Variants in APOBEC1 observed in about 807,000 individuals in gnomAD.
The protein encoded by APOBEC1 is apolipoprotein B mRNA editing enzyme catalytic subunit 1.
A neutral mutation model predicts 26.3 loss-of-function variants in APOBEC1; 22 were observed. That is an observed-to-expected ratio of 0.84 (90% CI 0.60 to 1.19). The LOEUF is 1.19. APOBEC1 is among the 50% of genes most tolerant of loss of function. The pLI is 0.00. For missense variants in APOBEC1, 253 were observed against 289.0 expected, an observed-to-expected ratio of 0.88 and a Z score of 0.90; for synonymous variants, 77 against 95.3, an observed-to-expected ratio of 0.81 and a Z score of 1.12.
At chr12:7,669,856 T>A (rs1218325403), upstream of APOBEC1, among the ~76,000 whole-genome samples, 1 of 152,168 alleles carries the variant, frequency 6.6e-6, no homozygotes, top group African/African-American at 2.4e-5. Flanking sequence ...TGTGGTAGTA[T>A]CTCATTGTGA....
Position 7,652,970 on chromosome 12 carries a change from C to T in APOBEC1, c.45-135G>A, listed in dbSNP as rs994518240. ...TTTAAGATGGAGTCTCACACTGTTG[C>T]CCAGACTGGAGTGCAGTGGTGCAAT... On this transcript the variant is annotated intron_variant, in intron 2 of 4. Coordinates refer to ENST00000229304, the MANE Select transcript of APOBEC1 (RefSeq NM_001644.5). 34 of 777,218 alleles carry T rather than the reference C, an allele frequency of 4.4e-5. No individual in the cohort carries two copies. In the African/African-American group the frequency reaches 5.2e-4, roughly 12 times the overall value. The allele number at this position is 777,218 out of a possible 1,614,324, so 48.1% of individuals were successfully genotyped here.
intron 4 of APOBEC1, 33 bp from the exon 5 acceptor site, chr12:7,649,729 G>A (rs202135950): frequency 7.0e-7 from 1 of 1,421,030 alleles, no homozygotes; most frequent in Non-Finnish European, 9.8e-7. Context: ...TTAATCCTTA[G>A]GATGAATATT....
rs947671594 is a variant in APOBEC1 at position 7,654,615 on chromosome 12, G to A, written c.34C>T (p.Pro12Ser). 3.7e-6 allele frequency: 6 copies of A among 1,613,738 alleles called. No individual in the cohort carries two copies. The African/African-American group carries it at 6.7e-5, about 18-fold the overall frequency. The change falls in exon 2 of 5, where the codon CCC becomes TCC. Residue 12 changes from proline (P) to serine (S), a missense_variant. Transcript: ENST00000229304. ...TSEKGPSTGD[P>S]TLRRRIEPWE... ...TAGTGTTATTCTTACCTCAGAGTGG[G>A]GTCACCGGTTGAAGGACCTGTTGAC...
intron 1 of APOBEC1, among the ~76,000 whole-genome samples, chr12:7,654,858 A>T (rs1344755678): frequency 1.3e-5 from 2 of 152,208 alleles, no homozygotes; most frequent in Non-Finnish European, 2.9e-5. Context: ...CAAACAAGGT[A>T]GTCTGCCTTA....
chr12:7,660,104 A>T (rs761725927), intron 1 of APOBEC1, among the ~76,000 whole-genome samples: 8 of 151,966 alleles, frequency 5.3e-5, no homozygotes, highest in African/African-American at 1.9e-4. Context: ...AGGGTTCAAG[A>T]CTAGCCTGGG....
intron 3 of APOBEC1, 78 bp from the exon 4 acceptor site, chr12:7,651,219 G>A (rs183871671): frequency 1.6e-5 from 16 of 999,352 alleles, no homozygotes; most frequent in African/African-American, 1.5e-4. Flanking sequence ...CTAGCTTCCC[G>A]TATAGAAAGC....
intron 1 of APOBEC1, among the ~76,000 whole-genome samples, chr12:7,665,292 A>G (rs1863877819): frequency 6.6e-6 from 1 of 151,792 alleles, no homozygotes; most frequent in East Asian, 1.9e-4. Context: ...TTGTACTTTT[A>G]CTTAACTTTT....
intron 4 of APOBEC1, among the ~76,000 whole-genome samples, chr12:7,650,533 C>T (rs188329607): frequency 2.0e-5 from 3 of 152,374 alleles, no homozygotes; most frequent in Admixed American, 1.3e-4. Context: ...TTACCTCCCA[C>T]AAACACACTT....
intron 1 of APOBEC1, among the ~76,000 whole-genome samples, chr12:7,663,992 A>T (rs1391009939): frequency 1.3e-5 from 2 of 151,794 alleles, no homozygotes; most frequent in East Asian, 3.9e-4. Context: ...AAGTAGCGGG[A>T]TTACAGGCAT....
In APOBEC1 at chr12:7,652,728, C is replaced by T. The variant is rs759789081; in HGVS notation, c.152G>A (p.Trp51Ter). ...GGTGGTGTTTTTGCCTGAGCTTCGC[C>T]AGATCTTCCGGCTCATGCCCCACTT... ...EIKWGMSRKI[W>*]RSSGKNTTNH... is the part of the protein sequence containing the mutation. The change falls in exon 3 of 5, where the codon TGG (tryptophan) becomes TAG (stop). Residue 51 changes from tryptophan (W) to a stop codon, truncating the protein, a stop_gained. Coordinates refer to ENST00000229304, the MANE Select transcript of APOBEC1 (RefSeq NM_001644.5). LOFTEE classifies it high-confidence loss of function. 6.2e-7 allele frequency: 1 copy of T among 1,614,070 alleles called. No individual in the cohort carries two copies. The highest frequency in any genetic ancestry group is 8.5e-7 in the Non-Finnish European group (1 of 1,180,022).
chr12:7,660,375 G>GAAAGAAAGAAAGAAAGAAAGAAAGAAA (rs1555094887), intron 1 of APOBEC1, among the ~76,000 whole-genome samples: 1 of 23,970 alleles, frequency 4.2e-5, no homozygotes, highest in African/African-American at 1.3e-4. Flanking sequence ...AAGGAAGGAA[G>GAAAGAAAGAAAGAAAGAAAGAAAGAAA]GAAAGAAAGA....
At chr12:7,659,322 A>AATATATATATATATATATAT (rs1328982852) in intron 1 of APOBEC1, among the ~76,000 whole-genome samples, 3 of 46,292 alleles carry the variant, frequency 6.5e-5, no homozygotes, top group Admixed American at 4.4e-4. Context: ...AAAAAAAAAA[A>AATATATATATATATATATAT]ATATATATAT....
At position 7,660,382 on chromosome 12, in the gene APOBEC1, A is replaced by AGGAAGGAAGGAC. The variant is rs1362316301; in HGVS notation, c.16+5474_16+5475insGTCCTTCCTTCC. Among the ~76,000 whole-genome samples the AGGAAGGAAGGAC allele has an allele frequency of 6.0e-4, 62 of 102,984 alleles. 1 individual carries two copies. The highest frequency in any genetic ancestry group is 1.1e-3 in the Non-Finnish European group (52 of 49,070). The allele number at this position is 102,984 out of a possible 152,430, so 67.6% of individuals were successfully genotyped here. Reference sequence around the variant, plus strand: ...AAGGAAGGAAGGAAGGAAGGAAAGAAAGAAAGAAAGAAAGAAAGAAAGAAA... The same window carrying AGGAAGGAAGGAC: ...AAGGAAGGAAGGAAGGAAGGAAAGAAGGAAGGAAGGACAGAAAGAAAGAAAGAAAGAAAGAAA... On this transcript the variant is annotated intron_variant, in intron 1 of 4. Transcript: ENST00000229304.
In APOBEC1 at chr12:7,649,550, T is replaced by C. The variant is rs752607176; in HGVS notation, c.708A>G (p.Arg236=). 1 of 1,614,008 alleles carries C rather than the reference T, an allele frequency of 6.2e-7. No homozygotes were observed. Among genetic ancestry groups the C allele is most frequent in the Non-Finnish European group, 8.5e-7 (1 of 1,179,988 alleles). The change falls in exon 5 of 5, where the codon AGA becomes AGG. Residue 236 remains arginine (R), a synonymous_variant. Transcript: ENST00000229304. ...TACACACACGGAATCATCCTATTCA[T>C]CTCCAAGCCACAGAAGGATGTATCA... is the stretch of plus-strand genomic sequence containing the variant. ...TGLIHPSVAW[R]
At chr12:7,669,588 T>C (rs1274458601), upstream of APOBEC1, among the ~76,000 whole-genome samples, 1 of 152,176 alleles carries the variant, frequency 6.6e-6, no homozygotes, top group African/African-American at 2.4e-5. Flanking sequence ...TTATTTTTTA[T>C]AGGGACAGGG....
chr12:7,658,425 C>T lies in APOBEC1; in HGVS notation c.17-3793G>A, dbSNP rs139124685. 5.3e-5 allele frequency among the ~76,000 whole-genome samples: 8 copies of T among 152,210 alleles called. No individual in the cohort carries two copies. In the East Asian group the frequency reaches 1.5e-3, roughly 29 times the overall value. On this transcript the variant is annotated intron_variant, in intron 1 of 4. Coordinates refer to ENST00000229304, the MANE Select transcript of APOBEC1 (RefSeq NM_001644.5). ...AAATAGGTGTTGGAGTCCTTGGTTA[C>T]AGGTACATTATTTTTCAGACTCAGG...
chr12:7,654,528 T>C (rs1863687487), intron 2 of APOBEC1, 77 bp downstream of exon 2: 4 of 1,432,406 alleles, frequency 2.8e-6, no homozygotes, highest in Non-Finnish European at 3.0e-6. Context: ...TAGGCGCATG[T>C]GCCACCATGC....
intron 1 of APOBEC1, among the ~76,000 whole-genome samples, chr12:7,662,893 G>C (rs1017928854): frequency 7.2e-5 from 11 of 152,152 alleles, no homozygotes; most frequent in African/African-American, 2.4e-4. Flanking sequence ...GAGCAATGGA[G>C]GGGGTAAGCC....
At chr12:7,656,964 G>A (rs1387972897) in intron 1 of APOBEC1, among the ~76,000 whole-genome samples, 3 of 151,568 alleles carry the variant, frequency 2.0e-5, no homozygotes, top group Non-Finnish European at 4.4e-5. Flanking sequence ...TCTACTATTC[G>A]GTTTGCCATG....
Sources: gnomAD v4.1 joint callset for allele counts (sites outside exome capture counted in the v4.1 genomes callset) on GRCh38, gnomAD v4.1.1 for gene constraint, MANE v1.5 for transcripts, NCBI Gene and HGNC (gene_info 2026-07-23, HGNC 2026-07-21) for gene names.